CDKL1: variants seen among roughly 807,000 people sequenced by gnomAD.
The protein encoded by CDKL1 is cyclin-dependent kinase-like 1.
In CDKL1, 41 loss-of-function variants were observed where a neutral mutation model predicts 42.0. The observed-to-expected ratio is 0.98, with a 90% CI of 0.76 to 1.27. The LOEUF (loss-of-function observed/expected upper bound fraction) is 1.27. CDKL1 is among the 50% of genes most tolerant of loss of function. The pLI is 0.00. For synonymous variants in CDKL1, 153 were observed against 158.6 expected (o/e 0.96, Z 0.26); for missense variants, 394 against 428.4 (o/e 0.92, Z 0.71).
At chr14:50,374,547 A>G (rs924986815) in intron 2 of CDKL1, among the ~76,000 whole-genome samples, 1 of 152,250 alleles carries the variant, frequency 6.6e-6, no homozygotes, top group African/African-American at 2.4e-5. Flanking sequence ...AAGCTGATAC[A>G]GGTTTCCAGA....
At chr14:50,332,693 C>G in intron 8 of CDKL1, 1 of 1,532,010 alleles carries the variant, frequency 6.5e-7, no homozygotes, top group South Asian at 1.2e-5. Context: ...GTACTCTGCC[C>G]TGGGAGAGTA....
At chr14:50,331,764 T>C (rs2032955882) in intron 9 of CDKL1, 2 of 452,656 alleles carry the variant, frequency 4.4e-6, no homozygotes, top group Non-Finnish European at 7.8e-6. Context: ...GTTTGGATGC[T>C]GTTCTCTGGT....
chr14:50,359,361 G>A (rs573032238), intron 2 of CDKL1, among the ~76,000 whole-genome samples: 2 of 151,958 alleles, frequency 1.3e-5, no homozygotes, highest in Non-Finnish European at 2.9e-5. Context: ...GTTGGTGAGG[G>A]CAAAGAGAGG....
At chr14:50,341,713 C>T (rs1465590759) in intron 5 of CDKL1, among the ~76,000 whole-genome samples, 2 of 149,458 alleles carry the variant, frequency 1.3e-5, no homozygotes, top group East Asian at 3.9e-4. Flanking sequence ...CTGGGGAGGT[C>T]GAGACTGTGG....
At chr14:50,332,213 C>T in intron 9 of CDKL1, 49 bp downstream of exon 9, 4 of 1,614,178 alleles carry the variant, frequency 2.5e-6, no homozygotes, top group Non-Finnish European at 3.4e-6. Flanking sequence ...AGTCTAGATT[C>T]CAACTCTCTG....
At chr14:50,356,677 G>A (rs915249661) in intron 3 of CDKL1, among the ~76,000 whole-genome samples, 6 of 152,104 alleles carry the variant, frequency 3.9e-5, no homozygotes, top group Non-Finnish European at 5.9e-5. Flanking sequence ...GAGGCCTGTC[G>A]GGGGCTGATT....
chr14:50,342,234 A>C lies in CDKL1; in HGVS notation c.364-12T>G, dbSNP rs757963530. The stretch of plus-strand genomic sequence containing the variant: ...TCTCTATGTATGCACTAGTGTAACA[A>C]ATCAAAACAAAAACAATATTAAGGC... On this transcript the variant is annotated splice_polypyrimidine_tract_variant and intron_variant, in intron 4 of 9. Coordinates refer to ENST00000395834, the MANE Select transcript of CDKL1 (RefSeq NM_004196.7). 1 of 1,606,558 alleles carries C rather than the reference A, an allele frequency of 6.2e-7. No individual in the cohort carries two copies. The highest frequency in any genetic ancestry group is 8.5e-7 in the Non-Finnish European group (1 of 1,173,252).
In CDKL1 at chr14:50,359,048, C is replaced by T. The variant is rs1196956986; in HGVS notation, c.270G>A (p.Glu90=). 2 of 1,612,722 alleles carry T rather than the reference C, an allele frequency of 1.2e-6. No individual in the cohort carries two copies. Among genetic ancestry groups the T allele is most frequent in the Non-Finnish European group, 8.5e-7 (1 of 1,178,868 alleles). Residue 90 remains glutamate (E), a synonymous_variant, in exon 3 of 10, where the codon GAG becomes GAA. Coordinates refer to ENST00000395834, the MANE Select transcript of CDKL1 (RefSeq NM_004196.7). ...FEYCDHTVLH[E]LDRYQRGVPE... ...CTCACCCTCTTTGGTATCTGTCCAA[C>T]TCATGGAGAACTGTGTGGTCACAAT...
chr14:50,390,989 C>T (rs1439704407), intron 2 of CDKL1, among the ~76,000 whole-genome samples: 1 of 152,184 alleles, frequency 6.6e-6, no homozygotes, highest in Non-Finnish European at 1.5e-5. Flanking sequence ...TGCATGCCAC[C>T]ATGCCCAGCT....
chr14:50,384,501 G>A (rs996976358), intron 2 of CDKL1, among the ~76,000 whole-genome samples: 4 of 152,138 alleles, frequency 2.6e-5, no homozygotes, highest in African/African-American at 7.2e-5. Context: ...CTCAAAGAAG[G>A]ATGGACATCT....
chr14:50,366,791 G>T (rs1207490770), intron 2 of CDKL1, among the ~76,000 whole-genome samples: 1 of 152,018 alleles, frequency 6.6e-6, no homozygotes, highest in Non-Finnish European at 1.5e-5. Flanking sequence ...TGACACAAAG[G>T]TTTACACACT....
intron 2 of CDKL1, among the ~76,000 whole-genome samples, chr14:50,369,963 A>T (rs981204800): frequency 6.6e-6 from 1 of 151,978 alleles, no homozygotes; most frequent in African/African-American, 2.4e-5. Context: ...AGGATTTATG[A>T]CTATAATATG....
chr14:50,371,734 A>T (rs1038570481), intron 2 of CDKL1, among the ~76,000 whole-genome samples: 1 of 152,214 alleles, frequency 6.6e-6, no homozygotes, highest in South Asian at 2.1e-4. Flanking sequence ...CCACCCTCCC[A>T]GGCAGCTGCA....
At chr14:50,383,173 T>C (rs2034971116) in intron 2 of CDKL1, among the ~76,000 whole-genome samples, 1 of 151,784 alleles carries the variant, frequency 6.6e-6, no homozygotes, top group African/African-American at 2.4e-5. Flanking sequence ...GTGATCCATC[T>C]GCCTCGGCCT....
intron 3 of CDKL1, among the ~76,000 whole-genome samples, chr14:50,353,737 A>T (rs1342670560): frequency 6.6e-6 from 1 of 150,922 alleles, no homozygotes; most frequent in East Asian, 1.9e-4. Flanking sequence ...GAGTACATTT[A>T]AAAAAAAATG....
intron 2 of CDKL1, among the ~76,000 whole-genome samples, chr14:50,379,116 T>C (rs1180349730): frequency 6.6e-6 from 1 of 152,118 alleles, no homozygotes; most frequent in African/African-American, 2.4e-5. Flanking sequence ...TCTCCAAAAG[T>C]GCTGGGATTA....
chr14:50,392,881 T>A (rs2035299602), intron 2 of CDKL1, among the ~76,000 whole-genome samples: 1 of 152,088 alleles, frequency 6.6e-6, no homozygotes, highest in African/African-American at 2.4e-5. Context: ...AGTCAATCAG[T>A]CAAAAACCTT....
At chr14:50,353,588 A>G (rs2139433307) in intron 3 of CDKL1, among the ~76,000 whole-genome samples, 1 of 152,382 alleles carries the variant, frequency 6.6e-6, no homozygotes, top group South Asian at 2.1e-4. Context: ...GGTTAGTAAT[A>G]GAAAATAACT....
intron 4 of CDKL1, 51 bp downstream of exon 4, chr14:50,344,935 C>T (rs1224207813): frequency 4.2e-6 from 6 of 1,440,238 alleles, no homozygotes; most frequent in South Asian, 1.2e-5. Flanking sequence ...AAGGCTCCAC[C>T]TCAGCTTAAG....
Sources: gnomAD v4.1 joint callset for allele counts (sites outside exome capture counted in the v4.1 genomes callset) on GRCh38, gnomAD v4.1.1 for gene constraint, MANE v1.5 for transcripts, NCBI Gene and HGNC (gene_info 2026-07-23, HGNC 2026-07-21) for gene names.